The following SEC63 variants were observed in gnomAD, a reference collection of about 807,000 sequenced individuals.
SEC63 encodes translocation protein SEC63 homolog.
In SEC63, 56 loss-of-function variants were observed where a neutral mutation model predicts 116.2. The ratio of observed to expected loss-of-function variants is 0.48; its 90% CI spans 0.39 to 0.60. SEC63 has a LOEUF of 0.60. Ranked by LOEUF, SEC63 falls within the 20% of genes least tolerant of loss-of-function variation. The pLI is 0.00. For missense variants in SEC63, 668 were observed against 900.0 expected, an observed-to-expected ratio of 0.74 and a Z score of 3.30; for synonymous variants, 273 against 294.6, an observed-to-expected ratio of 0.93 and a Z score of 0.75.
At chr6:107,953,041 A>G (rs557800509) in intron 1 of SEC63, among the ~76,000 whole-genome samples, 11 of 152,080 alleles carry the variant, frequency 7.2e-5, no homozygotes, top group Non-Finnish European at 1.2e-4. Context: ...AGGTGGATCA[A>G]TTGAGGTCAG....
intron 1 of SEC63, chr6:107,955,992 A>G (rs1295932977): frequency 4.7e-6 from 2 of 424,646 alleles, no homozygotes; most frequent in South Asian, 3.4e-5. Context: ...CAAATTTCAA[A>G]AATCCATCCT....
intron 1 of SEC63, among the ~76,000 whole-genome samples, chr6:107,956,740 A>G (rs1000239077): frequency 9.9e-5 from 15 of 152,110 alleles, no homozygotes; most frequent in African/African-American, 1.9e-4. Flanking sequence ...GGCGGGGGGG[A>G]AAAAGAATGT....
intron 1 of SEC63, among the ~76,000 whole-genome samples, chr6:107,953,520 G>A (rs1770623450): frequency 6.8e-6 from 1 of 146,816 alleles, no homozygotes; most frequent in African/African-American, 2.5e-5. Context: ...CGGGAGGGAG[G>A]TGGGGGGTCA....
chr6:107,934,302 A>C (rs1787881226), intron 1 of SEC63, among the ~76,000 whole-genome samples: 1 of 138,120 alleles, frequency 7.2e-6, no homozygotes, highest in Non-Finnish European at 1.6e-5. Flanking sequence ...CCGCCATCCC[A>C]TCTAGGAAGT....
At chr6:107,900,706 A>C (rs1432790098) in intron 13 of SEC63, among the ~76,000 whole-genome samples, 5 of 152,164 alleles carry the variant, frequency 3.3e-5, no homozygotes, top group African/African-American at 1.2e-4. Flanking sequence ...ATATCCCTGT[A>C]TTCTTGGTAA....
intron 18 of SEC63, chr6:107,877,413 G>C (rs1210109066): frequency 6.6e-6 from 1 of 152,098 alleles, no homozygotes; most frequent in East Asian, 1.9e-4. Context: ...CTTACTGAAA[G>C]TTTCTTTGAG....
At chr6:107,935,297 C>A (rs1277037799) in intron 1 of SEC63, among the ~76,000 whole-genome samples, 1 of 151,636 alleles carries the variant, frequency 6.6e-6, no homozygotes, top group South Asian at 2.1e-4. Context: ...GTGTGCCCAA[C>A]AGCTCACTGA....
intron 1 of SEC63, among the ~76,000 whole-genome samples, chr6:107,941,170 G>C (rs1056278914): frequency 6.6e-6 from 1 of 152,208 alleles, no homozygotes; most frequent in African/African-American, 2.4e-5. Flanking sequence ...TAAGTGCAGA[G>C]TGTGTCTTGC....
chr6:107,883,103 C>T lies in SEC63; in HGVS notation c.1718G>A (p.Gly573Asp). The T allele has an allele frequency of 1.2e-6, 2 of 1,611,114 alleles. No homozygotes were observed. Among genetic ancestry groups the T allele is most frequent in the Non-Finnish European group, 1.7e-6 (2 of 1,177,888 alleles). The change falls in exon 17 of 21, where the codon GGC (glycine) becomes GAC (aspartate). Residue 573 changes from glycine to aspartate, a missense_variant. Gly to Asp is a moderately conservative substitution (Grantham distance 94). Around this residue, in one of 5 missense-constraint regions of SEC63, gnomAD observed 430 missense variants for 557.5 expected, o/e 0.77. Transcript: ENST00000369002. ...KEDEEEVSDK[G>D]SDSEEEETNR... ...GGTTTCTTCTTCTTCAGAATCACTG[C>T]CCTTATCTGAAACTTCTTCTTCATC...
rs550724709 is a variant in SEC63 at position 107,919,739 on chromosome 6, G to A, written c.452+2058C>T. 1.2e-3 allele frequency among the ~76,000 whole-genome samples: 179 copies of A among 151,618 alleles called. 2 individuals carry two copies. Among genetic ancestry groups the A allele is most frequent in the African/African-American group, 4.2e-3 (172 of 41,314 alleles). Reference sequence around the variant, plus strand: ...CGGGAGGCTGAGGCAGGAGAATGGCGTGAACCCGGGAGGCGGAAGTTGCAG... The same window carrying A: ...CGGGAGGCTGAGGCAGGAGAATGGCATGAACCCGGGAGGCGGAAGTTGCAG... On this transcript the variant is annotated intron_variant, in intron 4 of 20. Coordinates refer to ENST00000369002, the MANE Select transcript of SEC63 (RefSeq NM_007214.5).
chr6:107,944,418 C>T (rs1308367303), intron 1 of SEC63, among the ~76,000 whole-genome samples: 2 of 152,164 alleles, frequency 1.3e-5, no homozygotes, highest in African/African-American at 4.8e-5. Flanking sequence ...TCAGACTGGG[C>T]TAGGTGCAGC....
At chr6:107,903,094 TA>T in intron 11 of SEC63, 96 bp from the exon 12 acceptor site, 1 of 1,216,416 alleles carries the variant, frequency 8.2e-7, no homozygotes, top group Non-Finnish European at 1.2e-6. Flanking sequence ...ACTAAATCCA[TA>T]ACACCTCAAA....
intron 8 of SEC63, among the ~76,000 whole-genome samples, chr6:107,908,710 C>T (rs560137639): frequency 7.9e-5 from 12 of 152,162 alleles, no homozygotes; most frequent in African/African-American, 2.9e-4. Flanking sequence ...GGTAAAATTT[C>T]TGATGAAATA....
intron 6 of SEC63, 152 bp from the exon 7 acceptor site, chr6:107,911,548 G>A (rs1163908972): frequency 1.5e-6 from 1 of 678,384 alleles, no homozygotes; most frequent in Non-Finnish European, 2.6e-6. Flanking sequence ...ACTCCAAGAG[G>A]AAGGTACCAT....
At chr6:107,941,980 T>C (rs1200704742) in intron 1 of SEC63, among the ~76,000 whole-genome samples, 1 of 152,258 alleles carries the variant, frequency 6.6e-6, no homozygotes, top group Non-Finnish European at 1.5e-5. Context: ...TAAGGTCGCA[T>C]TAGCAGTAAT....
At chr6:107,904,931 A>C (rs902670936) in intron 10 of SEC63, among the ~76,000 whole-genome samples, 3 of 152,194 alleles carry the variant, frequency 2.0e-5, no homozygotes, top group Admixed American at 1.3e-4. Context: ...CGTTTCAAAG[A>C]CAAATTTTTA....
chr6:107,937,680 T>C (rs1770287268), intron 1 of SEC63, among the ~76,000 whole-genome samples: 1 of 152,308 alleles, frequency 6.6e-6, no homozygotes, highest in South Asian at 2.1e-4. Context: ...AAGTGTTTCC[T>C]TTTCCCTGTA....
intron 4 of SEC63, among the ~76,000 whole-genome samples, chr6:107,920,139 G>A (rs1049718185): frequency 2.0e-5 from 3 of 151,646 alleles, no homozygotes; most frequent in Non-Finnish European, 2.9e-5. Context: ...AAGACATAAG[G>A]CTGGCTGGGC....
In SEC63 at chr6:107,921,948, G is replaced by A. The variant is rs377068745; in HGVS notation, c.340-39C>T. ...AAAAAAAAAAACAAGCTTTCTGTTA[G>A]CAAAAATAAGCACAATTCTGTAAAG... On this transcript the variant is annotated intron_variant, in intron 3 of 20. Coordinates refer to ENST00000369002, the MANE Select transcript of SEC63 (RefSeq NM_007214.5). 2.7e-6 allele frequency: 3 copies of A among 1,112,600 alleles called. No homozygotes were observed. The South Asian group carries it at 3.8e-5, about 14-fold the overall frequency. 68.9% of individuals were successfully genotyped at this position (1,112,600 alleles called of 1,614,324 possible). A position where few individuals can be genotyped will look rare whatever the true frequency, so the allele number is the denominator to read the frequency against.
Sources: allele counts gnomAD v4.1 joint callset (sites outside exome capture counted in the v4.1 genomes callset), GRCh38; gene constraint gnomAD v4.1.1; regional missense constraint gnomAD v4.1.1; transcripts MANE v1.5; gene names NCBI Gene and HGNC (gene_info 2026-07-23, HGNC 2026-07-21).